The following VEGFC variants were observed in gnomAD, a reference collection of about 807,000 sequenced individuals.
The protein encoded by VEGFC is vascular endothelial growth factor C.
Under a neutral mutation model 46.1 loss-of-function variants are expected in VEGFC, and 12 were observed. The observed-to-expected ratio is 0.26, with a 90% CI of 0.17 to 0.42. The LOEUF is 0.42. Among genes scored for constraint, VEGFC ranks in the 10% least tolerant of loss-of-function variants. The pLI, the probability that VEGFC is intolerant of heterozygous loss-of-function variation, is 1.00. For missense variants in VEGFC, 488 were observed against 529.4 expected, an observed-to-expected ratio of 0.92 and a Z score of 0.77; for synonymous variants, 232 against 195.5, an observed-to-expected ratio of 1.19 and a Z score of -1.56.
At chr4:176,701,395 A>C (rs1334241632) in intron 4 of VEGFC, among the ~76,000 whole-genome samples, 11 of 152,184 alleles carry the variant, frequency 7.2e-5, no homozygotes, top group Non-Finnish European at 2.9e-5. Context: ...TTCTAGGCAA[A>C]TCACTGCCAT....
At chr4:176,788,742 C>G (rs946528521) in intron 1 of VEGFC, among the ~76,000 whole-genome samples, 2 of 152,066 alleles carry the variant, frequency 1.3e-5, no homozygotes, top group African/African-American at 4.8e-5. Context: ...ATCGACTTTG[C>G]ACCATTGTAA....
intron 1 of VEGFC, among the ~76,000 whole-genome samples, chr4:176,768,788 A>G (rs934358957): frequency 6.6e-6 from 1 of 151,896 alleles, no homozygotes; most frequent in African/African-American, 2.4e-5. Context: ...GAAAGTATTC[A>G]AACCAGCCAG....
At chr4:176,751,013 A>G (rs1197203607) in intron 1 of VEGFC, among the ~76,000 whole-genome samples, 1 of 151,850 alleles carries the variant, frequency 6.6e-6, no homozygotes, top group East Asian at 1.9e-4. Flanking sequence ...AAGTTAAAAG[A>G]GAAATGGATA....
chr4:176,727,164 TG>T (rs899179949), intron 3 of VEGFC, among the ~76,000 whole-genome samples: 2 of 152,234 alleles, frequency 1.3e-5, no homozygotes, highest in Non-Finnish European at 2.9e-5. Flanking sequence ...TGAAAATCCC[TG>T]ATCCAAAGCC....
At chr4:176,694,640 C>A (rs1252431822) in intron 4 of VEGFC, among the ~76,000 whole-genome samples, 1 of 151,400 alleles carries the variant, frequency 6.6e-6, no homozygotes, top group African/African-American at 2.4e-5. Flanking sequence ...TAATAGACAT[C>A]TACAGAACTC....
intron 1 of VEGFC, among the ~76,000 whole-genome samples, chr4:176,732,706 GAA>G (rs1214802852): frequency 7.1e-6 from 1 of 140,982 alleles, no homozygotes; most frequent in African/African-American, 2.6e-5. Flanking sequence ...CACATTCATT[GAA>G]AAAAAAAAAC....
rs746023751 is a variant in VEGFC, at chr4:176,727,918, T to C, written c.412A>G (p.Ile138Val). ...ACTCCAAACTCCTTCCCCACATCTA[T>C]ACACACCTCCCGTGGCATGCATTGA... ...KTQCMPREVC[I>V]DVGKEFGVAT... Residue 138 changes from isoleucine (I) to valine (V), a missense_variant, in exon 3 of 7, where the codon ATA (isoleucine) becomes GTA (valine). Ile to Val is a conservative substitution (Grantham distance 29). Coordinates refer to ENST00000618562, the MANE Select transcript of VEGFC (RefSeq NM_005429.5). The C allele has an allele frequency of 6.2e-7, 1 of 1,613,678 alleles. No individual in the cohort carries two copies. The highest frequency in any genetic ancestry group is 8.5e-7 in the Non-Finnish European group (1 of 1,179,784).
At chr4:176,786,415 C>T (rs1349157733) in intron 1 of VEGFC, among the ~76,000 whole-genome samples, 1 of 152,178 alleles carries the variant, frequency 6.6e-6, no homozygotes, top group African/African-American at 2.4e-5. Flanking sequence ...ATATTCAAAA[C>T]ATCCCTCTCT....
chr4:176,789,595 C>A (rs563845048), intron 1 of VEGFC, among the ~76,000 whole-genome samples: 1 of 152,128 alleles, frequency 6.6e-6, no homozygotes, highest in Non-Finnish European at 1.5e-5. Flanking sequence ...CTTTTGTTCC[C>A]ATCATGTCCA....
chr4:176,772,590 C>T (rs761263612), intron 1 of VEGFC, among the ~76,000 whole-genome samples: 1 of 152,316 alleles, frequency 6.6e-6, no homozygotes, highest in East Asian at 1.9e-4. Context: ...CCCCAAACTT[C>T]ATGTGTTGGA....
intron 1 of VEGFC, among the ~76,000 whole-genome samples, chr4:176,757,784 A>G (rs1735460734): frequency 6.6e-6 from 1 of 152,018 alleles, no homozygotes; most frequent in South Asian, 2.1e-4. Context: ...ATGTTTAAAG[A>G]GAAATAGTCC....
intron 3 of VEGFC, among the ~76,000 whole-genome samples, chr4:176,724,027 C>T (rs985139808): frequency 6.6e-6 from 1 of 152,036 alleles, no homozygotes; most frequent in African/African-American, 2.4e-5. Flanking sequence ...ATTTCATCAC[C>T]CAGGAATTAA....
intron 6 of VEGFC, among the ~76,000 whole-genome samples, chr4:176,684,980 G>T (rs1734013531): frequency 6.6e-6 from 1 of 152,192 alleles, no homozygotes; most frequent in Admixed American, 6.5e-5. Flanking sequence ...GCCCGCCTTG[G>T]CCTTCCAAAG....
At chr4:176,775,899 G>C (rs1735806390) in intron 1 of VEGFC, among the ~76,000 whole-genome samples, 1 of 150,866 alleles carries the variant, frequency 6.6e-6, no homozygotes, top group South Asian at 2.1e-4. Context: ...TTAAAAGCTA[G>C]AAGAAACAAA....
At chr4:176,761,603 T>A (rs1391903639) in intron 1 of VEGFC, among the ~76,000 whole-genome samples, 1 of 152,206 alleles carries the variant, frequency 6.6e-6, no homozygotes, top group Non-Finnish European at 1.5e-5. Context: ...TAATTTGTAA[T>A]GTTGAATACT....
At chr4:176,781,366 T>C (rs925627170) in intron 1 of VEGFC, among the ~76,000 whole-genome samples, 5 of 152,180 alleles carry the variant, frequency 3.3e-5, no homozygotes, top group Admixed American at 2.6e-4. Context: ...TTTCAAAACA[T>C]AAACTTGGAA....
At chr4:176,730,232 G>A (rs1734941283) in intron 1 of VEGFC, among the ~76,000 whole-genome samples, 1 of 152,104 alleles carries the variant, frequency 6.6e-6, no homozygotes, top group Admixed American at 6.6e-5. Flanking sequence ...ATCATATGAA[G>A]AAAGGAATTT....
chr4:176,772,714 T>C (rs529921515), intron 1 of VEGFC, among the ~76,000 whole-genome samples: 2 of 152,254 alleles, frequency 1.3e-5, no homozygotes, highest in Admixed American at 1.3e-4. Flanking sequence ...GTGGGCTCCT[T>C]ATCACAGGAA....
chr4:176,761,158 A>G (rs577518584), intron 1 of VEGFC, among the ~76,000 whole-genome samples: 40 of 152,230 alleles, frequency 2.6e-4, no homozygotes, highest in Non-Finnish European at 4.3e-4. Context: ...TGAGAAAATT[A>G]AATTATACAA....
Sources: allele counts gnomAD v4.1 joint callset (sites outside exome capture counted in the v4.1 genomes callset), GRCh38; gene constraint gnomAD v4.1.1; transcripts MANE v1.5; gene names NCBI Gene and HGNC (gene_info 2026-07-23, HGNC 2026-07-21).